DHX35: variants seen among roughly 807,000 people sequenced by gnomAD.
DHX35 encodes the protein probable ATP-dependent RNA helicase DHX35.
In DHX35, 84 loss-of-function variants were observed where a neutral mutation model predicts 99.6. The observed-to-expected ratio is 0.84, with a 90% CI of 0.71 to 1.01. The LOEUF (loss-of-function observed/expected upper bound fraction) is 1.01, where lower values mean the gene tolerates loss of function less well. Among genes scored for constraint, DHX35 ranks in the 50% least tolerant of loss-of-function variants. The probability of loss-of-function intolerance (pLI) is 0.00; values close to 1 mark genes in which losing one functional copy is unlikely to be tolerated. For synonymous variants in DHX35, 331 were observed against 316.2 expected (o/e 1.05, Z -0.50); for missense variants, 852 against 888.5 (o/e 0.96, Z 0.52).
chr20:38,997,072 T>G (rs2086441908), intron 8 of DHX35, among the ~76,000 whole-genome samples: 1 of 151,748 alleles, frequency 6.6e-6, no homozygotes, highest in Non-Finnish European at 1.5e-5. Flanking sequence ...ATTTATTTAT[T>G]TATTTATTTA....
At chr20:39,014,754 G>C in intron 13 of DHX35, 126 bp from the exon 14 acceptor site, 1 of 1,189,176 alleles carries the variant, frequency 8.4e-7, no homozygotes, top group Non-Finnish European at 1.2e-6. Context: ...AGCAAGAACA[G>C]AAACATGGAG....
intron 8 of DHX35, among the ~76,000 whole-genome samples, chr20:38,999,849 T>A (rs2086490849): frequency 6.6e-6 from 1 of 152,236 alleles, no homozygotes; most frequent in Non-Finnish European, 1.5e-5. Context: ...ACTGCCCTTG[T>A]CTTGCCCATC....
chr20:39,023,713 T>C lies in DHX35; in HGVS notation c.1617T>C (p.Ala539=). The C allele has an allele frequency of 6.2e-7, 1 of 1,614,140 alleles. No homozygotes were observed. Among genetic ancestry groups the C allele is most frequent in the Non-Finnish European group, 8.5e-7 (1 of 1,179,996 alleles). The change falls in exon 17 of 22, where the codon GCT becomes GCC. Residue 539 remains alanine (A), a synonymous_variant. Coordinates refer to ENST00000252011, the MANE Select transcript of DHX35 (RefSeq NM_021931.4). ...SHAIRVHRKF[A]VEEGDHLTML... is the part of the protein sequence containing the mutation. ...AGATTCGAGTGCACCGTAAATTTGCTGTGGAGGAGGGCGACCACCTCACTA... is the reference window on the plus strand; with the variant it reads ...AGATTCGAGTGCACCGTAAATTTGCCGTGGAGGAGGGCGACCACCTCACTA...
intron 13 of DHX35, among the ~76,000 whole-genome samples, chr20:39,010,759 C>T (rs2086690022): frequency 6.6e-6 from 1 of 152,186 alleles, no homozygotes; most frequent in Non-Finnish European, 1.5e-5. Flanking sequence ...AGTTCCAGGA[C>T]AGCTAGTCTT....
Position 39,006,129 on chromosome 20 carries a change from T to A in DHX35, c.1012-17T>A. The A allele has an allele frequency of 6.2e-7, 1 of 1,603,644 alleles. No homozygotes were observed. The highest frequency in any genetic ancestry group is 1.1e-5 in the South Asian group (1 of 90,496). On this transcript the variant is annotated splice_polypyrimidine_tract_variant and intron_variant, in intron 11 of 21. Transcript: ENST00000252011. ...AGAATAAAATGAGTTTTATTCTTCTTTCTGTGGGGAACGTAGGTGATAGTG... is the reference window on the plus strand; with the variant it reads ...AGAATAAAATGAGTTTTATTCTTCTATCTGTGGGGAACGTAGGTGATAGTG...
chr20:38,998,420 A>AGCT (rs1341100878), intron 8 of DHX35, among the ~76,000 whole-genome samples: 1 of 152,182 alleles, frequency 6.6e-6, no homozygotes, highest in Non-Finnish European at 1.5e-5. Flanking sequence ...GGGTAGACAT[A>AGCT]GCTGCTTATC....
chr20:38,987,120 C>G (rs2086262127), intron 4 of DHX35, among the ~76,000 whole-genome samples: 1 of 152,222 alleles, frequency 6.6e-6, no homozygotes, highest in Admixed American at 6.5e-5. Context: ...AAGAGGGAGA[C>G]TGAACTCCTT....
chr20:38,971,846 G>T (rs1006595913), intron 2 of DHX35, among the ~76,000 whole-genome samples: 29 of 151,972 alleles, frequency 1.9e-4, no homozygotes, highest in African/African-American at 6.5e-4. Flanking sequence ...AATATTTTAT[G>T]ACTGATTTAA....
At chr20:38,982,970 G>C (rs1388449342) in intron 3 of DHX35, among the ~76,000 whole-genome samples, 1 of 147,584 alleles carries the variant, frequency 6.8e-6, no homozygotes, top group Non-Finnish European at 1.5e-5. Context: ...CTGTCACCCA[G>C]GCTGGAGTGC....
intron 3 of DHX35, chr20:38,978,425 G>A (rs2086116649): frequency 4.7e-6 from 3 of 637,948 alleles, no homozygotes; most frequent in South Asian, 3.3e-5. Context: ...TCTTTCATGG[G>A]GTGGTGGCAC....
intron 1 of DHX35, 105 bp downstream of exon 1, chr20:38,962,512 C>T: frequency 7.0e-7 from 1 of 1,421,414 alleles, no homozygotes. Context: ...GGCCTGACCT[C>T]GGCGAGCTGG....
chr20:39,002,844 C>A lies in DHX35; in HGVS notation c.828C>A (p.Asp276Glu). The A allele has an allele frequency of 6.2e-7, 1 of 1,614,150 alleles. No homozygotes were observed. Among genetic ancestry groups the A allele is most frequent in the Non-Finnish European group, 8.5e-7 (1 of 1,180,002 alleles). ...VKIHQTEGDG[D>E]VLAFLTGQEE... ...TTCACCAGACAGAGGGAGACGGAGA[C>A]GTTTTAGCATTTCTTACTGGCCAGG... The change falls in exon 10 of 22, where the codon GAC becomes GAA. Residue 276 changes from aspartate (D) to glutamate (E), a missense_variant. By Grantham distance (45) the Asp-to-Glu change is conservative. Transcript: ENST00000252011.
intron 21 of DHX35, among the ~76,000 whole-genome samples, chr20:39,037,168 C>T (rs2087167440): frequency 6.6e-6 from 1 of 152,178 alleles, no homozygotes. Context: ...CATCCCCAAG[C>T]TAAGGCCGTG....
In DHX35 at chr20:38,962,375, C is replaced by G; in HGVS notation, c.8C>G (p.Ala3Gly). The G allele has an allele frequency of 6.2e-7, 1 of 1,612,720 alleles. No individual in the cohort carries two copies. The part of the protein sequence containing the change: MA[A>G]PVGPVKFWRP... ...GTGACCTTTTACCCCAACATGGCTG[C>G]GCCCGTGGGACCGGTGAAGTTCTGG... Residue 3 changes from alanine to glycine, a missense_variant, in exon 1 of 22, where the codon GCG becomes GGG. Coordinates refer to ENST00000252011, the MANE Select transcript of DHX35 (RefSeq NM_021931.4).
intron 11 of DHX35, among the ~76,000 whole-genome samples, chr20:39,004,258 G>A (rs1243928982): frequency 6.6e-6 from 1 of 151,954 alleles, no homozygotes; most frequent in Non-Finnish European, 1.5e-5. Flanking sequence ...GTAGAGACGG[G>A]GTTTCACTAA....
chr20:39,035,271 C>T (rs1309118330), intron 21 of DHX35, among the ~76,000 whole-genome samples: 7 of 151,512 alleles, frequency 4.6e-5, no homozygotes, highest in African/African-American at 1.2e-4. Context: ...AGGGTTTTGC[C>T]ATATTGGCCA....
chr20:39,038,429 G>A (rs772735803), intron 21 of DHX35, 70 bp from the exon 22 acceptor site: 85 of 1,518,432 alleles, frequency 5.6e-5, no homozygotes, highest in Non-Finnish European at 7.6e-5. Flanking sequence ...TCATTCATAT[G>A]GGGATTATGT....
chr20:38,992,276 C>T (rs768046641), intron 6 of DHX35, 80 bp from the exon 7 acceptor site: 4 of 1,194,558 alleles, frequency 3.3e-6, no homozygotes, highest in South Asian at 2.5e-5. Context: ...GACTAAATAC[C>T]CAGAAGCTCT....
At chr20:38,988,640 A>G (rs1395212115) in intron 4 of DHX35, among the ~76,000 whole-genome samples, 173 bp from the exon 5 acceptor site, 1 of 152,136 alleles carries the variant, frequency 6.6e-6, no homozygotes, top group Non-Finnish European at 1.5e-5. Flanking sequence ...AATAATAATA[A>G]TAATAAAAAT....
Sources: allele counts gnomAD v4.1 joint callset (sites outside exome capture counted in the v4.1 genomes callset), GRCh38; gene constraint gnomAD v4.1.1; transcripts MANE v1.5; gene names NCBI Gene and HGNC (gene_info 2026-07-23, HGNC 2026-07-21).